The following PFAS variants were observed in gnomAD, a reference collection of about 807,000 sequenced individuals.
The protein encoded by PFAS is FGAM synthase.
Under a neutral mutation model 140.6 loss-of-function variants are expected in PFAS, and 97 were observed. The observed-to-expected ratio is 0.69, with a 90% CI of 0.59 to 0.82. The LOEUF (loss-of-function observed/expected upper bound fraction) is 0.82. Ranked by LOEUF, PFAS falls within the 40% of genes least tolerant of loss-of-function variation. PFAS has a pLI of 0.00. For missense variants in PFAS, 1,656 were observed against 1,780.2 expected, an observed-to-expected ratio of 0.93 and a Z score of 1.26; for synonymous variants, 679 against 718.8, an observed-to-expected ratio of 0.94 and a Z score of 0.88.
upstream of PFAS, among the ~76,000 whole-genome samples, chr17:8,249,055 T>C (rs963381331): frequency 6.6e-6 from 1 of 152,208 alleles, no homozygotes; most frequent in Non-Finnish European, 1.5e-5. Context: ...GCTTGCTTTA[T>C]GGCCTTAACT....
chr17:8,267,118 C>T lies in PFAS; in HGVS notation c.3058C>T (p.Arg1020Trp), dbSNP rs373763703. The T allele has an allele frequency of 1.5e-5, 24 of 1,613,216 alleles. No individual in the cohort carries two copies. The highest frequency in any genetic ancestry group is 2.7e-5 in the African/African-American group (2 of 75,014). The change falls in exon 24 of 28, where the codon CGG becomes TGG. Residue 1020 changes from arginine to tryptophan, a missense_variant. Around this residue, in one of 2 missense-constraint regions of PFAS, gnomAD observed 883 missense variants for 1,023.0 expected, o/e 0.86. Transcript: ENST00000314666. This position sits in a 1 kb window ranked among gnomAD's most constrained non-coding sequence, Gnocchi z 4.9. ...GGAGGAGACGAGTTTCCAGCTGGAC[C>T]GGCTACAGGCAGAGCCTCGCTGTGT... ...LWEETSFQLD[R>W]LQAEPRCVAE...
chr17:8,261,641 C>T (rs1028674503), intron 11 of PFAS, among the ~76,000 whole-genome samples: 4 of 145,606 alleles, frequency 2.7e-5, no homozygotes, highest in African/African-American at 1.0e-4. Flanking sequence ...GATGGGATCT[C>T]ACTCTGTCAC....
chr17:8,257,872 G>A lies in PFAS; in HGVS notation c.1141G>A (p.Val381Ile). 4.3e-6 allele frequency: 7 copies of A among 1,614,126 alleles called. No individual in the cohort carries two copies. Among genetic ancestry groups the A allele is most frequent in the Non-Finnish European group, 5.9e-6 (7 of 1,179,978 alleles). Residue 381 changes from valine (V) to isoleucine (I), a missense_variant, in exon 10 of 28, where the codon GTT (valine) becomes ATT (isoleucine). By Grantham distance (29) the Val-to-Ile change is conservative. Around this residue, in one of 2 missense-constraint regions of PFAS, gnomAD observed 773 missense variants for 757.3 expected, o/e 1.02. Transcript: ENST00000314666. ...YPGNFARPLE[V>I]AIEASNGASD... ...TGGGAATTTTGCCCGGCCCCTGGAG[G>A]TTGCCATTGAAGCCAGTAATGGAGC...
At chr17:8,256,433 G>C in intron 7 of PFAS, 26 bp downstream of exon 7, 1 of 1,613,914 alleles carries the variant, frequency 6.2e-7, no homozygotes, top group Non-Finnish European at 8.5e-7. Context: ...CTGGGTTGGC[G>C]TCAGGACCCG....
intron 1 of PFAS, among the ~76,000 whole-genome samples, chr17:8,251,735 A>G (rs1989162000): frequency 6.9e-6 from 1 of 145,552 alleles, no homozygotes; most frequent in Non-Finnish European, 1.5e-5. Flanking sequence ...GCAATGGCTC[A>G]ATCTTGGCTC....
At chr17:8,255,001 T>C (rs1247768184) in intron 3 of PFAS, 26 bp from the exon 4 acceptor site, 1 of 1,562,196 alleles carries the variant, frequency 6.4e-7, no homozygotes, top group East Asian at 2.2e-5. Context: ...GGTTCTCCAG[T>C]CCTAACCATC....
rs143057705 is a variant in PFAS, at chr17:8,267,110, A to G, written c.3050A>G (p.Gln1017Arg). The change falls in exon 24 of 28, where the codon CAG (glutamine) becomes CGG (arginine). Residue 1017 changes from glutamine (Q) to arginine (R), a missense_variant. Gln to Arg is a conservative substitution (Grantham distance 43, BLOSUM62 1). This residue lies in a region of PFAS where 883 missense variants were observed against 1,023.0 expected (regional missense o/e 0.86). Coordinates refer to ENST00000314666, the MANE Select transcript of PFAS (RefSeq NM_012393.3). This position sits in a 1 kb window ranked among gnomAD's most constrained non-coding sequence, Gnocchi z 4.9. ...GCCCTCTGGGAGGAGACGAGTTTCCAGCTGGACCGGCTACAGGCAGAGCCT... is the reference window on the plus strand; with the variant it reads ...GCCCTCTGGGAGGAGACGAGTTTCCGGCTGGACCGGCTACAGGCAGAGCCT... ...LRALWEETSFQLDRLQAEPRC... is the reference protein window; with the variant it reads ...LRALWEETSFRLDRLQAEPRC... 1 of 1,613,692 alleles carries G rather than the reference A, an allele frequency of 6.2e-7. No individual in the cohort carries two copies. The highest frequency in any genetic ancestry group is 1.7e-5 in the Admixed American group (1 of 59,984).
At position 8,268,385 on chromosome 17, in the gene PFAS, A is replaced by AG. The variant is rs1310099242; in HGVS notation, c.3383-148_3383-147insG. 4.6e-4 allele frequency: 289 copies of AG among 628,038 alleles called. 2 individuals carry two copies. In the African/African-American group the frequency reaches 4.6e-3, roughly 10 times the overall value. The allele number at this position is 628,038 out of a possible 1,614,324, so 38.9% of individuals were successfully genotyped here. A position where few individuals can be genotyped will look rare whatever the true frequency, so the allele number is the denominator to read the frequency against. On this transcript the variant is annotated intron_variant, in intron 26 of 27. Transcript: ENST00000314666. ...GAGATTCCATCTCAAAAAAAAAAAA[A>AG]AAAGAAAGAAGGAAAGGAAGGAAGG...
intron 1 of PFAS, among the ~76,000 whole-genome samples, chr17:8,253,065 T>C (rs961106063): frequency 2.0e-5 from 3 of 152,238 alleles, no homozygotes; most frequent in Non-Finnish European, 4.4e-5. Context: ...TTTCAATATA[T>C]GAATTGGGAG....
intron 1 of PFAS, among the ~76,000 whole-genome samples, chr17:8,252,652 T>C (rs1248358853): frequency 6.6e-6 from 1 of 152,178 alleles, no homozygotes; most frequent in East Asian, 1.9e-4. Flanking sequence ...GTTCTCACTG[T>C]GTTGCCCAGG....
rs767346799 is a variant in PFAS at position 8,265,065 on chromosome 17, C to T, written c.2220C>T (p.Ala740=). The T allele has an allele frequency of 6.2e-7, 1 of 1,613,516 alleles. No homozygotes were observed. Among genetic ancestry groups the T allele is most frequent in the South Asian group, 1.1e-5 (1 of 91,090 alleles). The change falls in exon 18 of 28, where the codon GCC becomes GCT. Residue 740 remains alanine (A), a synonymous_variant. Coordinates refer to ENST00000314666, the MANE Select transcript of PFAS (RefSeq NM_012393.3). Reference sequence around the variant, plus strand: ...GCCTGCTGGACCCAAAAGTCGCCGCCCGGCTGGCCGTGGCCGAAGCCCTCA... The same window carrying T: ...GCCTGCTGGACCCAAAAGTCGCCGCTCGGCTGGCCGTGGCCGAAGCCCTCA... ...VKSLLDPKVA[A]RLAVAEALTN...
At position 8,266,997 on chromosome 17, in the gene PFAS, T is replaced by C; in HGVS notation, c.2968-31T>C. ...CTGTGGAGGGGGCCATCCTTTCTCC[T>C]AGCCCGTGGGAGATTTGTTCCTCTT... On this transcript the variant is annotated intron_variant, in intron 23 of 27. Coordinates refer to ENST00000314666, the MANE Select transcript of PFAS (RefSeq NM_012393.3). This position sits in a 1 kb window ranked among gnomAD's most constrained non-coding sequence, Gnocchi z 5.0. 1.2e-6 allele frequency: 2 copies of C among 1,611,674 alleles called. No individual in the cohort carries two copies. Among genetic ancestry groups the C allele is most frequent in the Non-Finnish European group, 1.7e-6 (2 of 1,179,354 alleles).
At position 8,267,154 on chromosome 17, in the gene PFAS, G is replaced by C; in HGVS notation, c.3094G>C (p.Glu1032Gln). The change falls in exon 24 of 28, where the codon GAA becomes CAA. Residue 1032 changes from glutamate (E) to glutamine (Q), a missense_variant. This residue lies in a region of PFAS where 883 missense variants were observed against 1,023.0 expected (regional missense o/e 0.86). Transcript: ENST00000314666. The surrounding 1 kb of genome is among the most constrained non-coding windows in gnomAD (Gnocchi z 4.9). ...AGAGCCTCGCTGTGTGGCAGAGGAGGAACGGGGCCTGAGGGAGCGGATGGG... is the reference window on the plus strand; with the variant it reads ...AGAGCCTCGCTGTGTGGCAGAGGAGCAACGGGGCCTGAGGGAGCGGATGGG... ...QAEPRCVAEE[E>Q]RGLRERMGPS... The C allele has an allele frequency of 6.2e-7, 1 of 1,611,258 alleles. No homozygotes were observed. The highest frequency in any genetic ancestry group is 1.1e-5 in the South Asian group (1 of 90,844).
chr17:8,261,134 C>A (rs1385909889), intron 11 of PFAS, among the ~76,000 whole-genome samples: 1 of 152,120 alleles, frequency 6.6e-6, no homozygotes, highest in Non-Finnish European at 1.5e-5. Context: ...TAATATCTGT[C>A]CTTTTGATTG....
chr17:8,257,968 C>T (rs1395869940), intron 10 of PFAS, 30 bp downstream of exon 10: 2 of 1,613,024 alleles, frequency 1.2e-6, no homozygotes, highest in Non-Finnish European at 1.7e-6. Context: ...GGATGACAAA[C>T]ACCCAGAGGG....
chr17:8,253,525 A>G lies in PFAS; in HGVS notation c.-79-334A>G, dbSNP rs377100995. ...GAAATCAGTTCAACAGATAGGCCAT[A>G]GTTAATGTTATTTTTATTTTATTTA... is the stretch of plus-strand genomic sequence containing the variant. On this transcript the variant is annotated intron_variant, in intron 1 of 27. Coordinates refer to ENST00000314666, the MANE Select transcript of PFAS (RefSeq NM_012393.3). Among the ~76,000 whole-genome samples, 13 of 152,216 alleles carry G rather than the reference A, an allele frequency of 8.5e-5. 1 individual carries two copies. In the South Asian group the frequency reaches 2.1e-3, roughly 24 times the overall value.
At position 8,264,198 on chromosome 17, in the gene PFAS, C is replaced by G. The variant is rs182493420; in HGVS notation, c.1792-14C>G. Reference sequence around the variant, plus strand: ...AGTCTCATCCCCTCTGGGTGGGGTCCCTGTGGTCTATAGATAGTGCTGGTG... The same window carrying G: ...AGTCTCATCCCCTCTGGGTGGGGTCGCTGTGGTCTATAGATAGTGCTGGTG... On this transcript the variant is annotated splice_polypyrimidine_tract_variant and intron_variant, in intron 15 of 27. Transcript: ENST00000314666. 2,076 of 1,613,568 alleles carry G rather than the reference C, an allele frequency of 1.3e-3. 26 individuals are homozygous for G. The highest frequency in any genetic ancestry group is 4.6e-4 in the Non-Finnish European group (539 of 1,179,710).
At chr17:8,255,782 C>T in intron 5 of PFAS, 23 bp from the exon 6 acceptor site, 2 of 1,608,494 alleles carry the variant, frequency 1.2e-6, no homozygotes, top group South Asian at 2.2e-5. Context: ...CCATAGTCAC[C>T]TCTTCCTGGA....
chr17:8,260,549 A>G (rs1462774440), intron 11 of PFAS, among the ~76,000 whole-genome samples: 1 of 152,216 alleles, frequency 6.6e-6, no homozygotes, highest in Non-Finnish European at 1.5e-5. Context: ...GTTGGTGGAC[A>G]TTGGGGTTGT....
Sources: allele counts gnomAD v4.1 joint callset (sites outside exome capture counted in the v4.1 genomes callset), GRCh38; gene constraint gnomAD v4.1.1; regional missense constraint gnomAD v4.1.1; non-coding constraint Gnocchi (gnomAD v3.1); transcripts MANE v1.5; gene names NCBI Gene and HGNC (gene_info 2026-07-23, HGNC 2026-07-21).